The following IQGAP2 variants were observed in gnomAD, a reference collection of about 807,000 sequenced individuals.
The protein encoded by IQGAP2 is ras GTPase-activating-like protein IQGAP2.
IQGAP2 carries 173 observed loss-of-function variants against 201.3 expected under a neutral mutation model. The observed-to-expected ratio is 0.86, with a 90% confidence interval of 0.76 to 0.98. The LOEUF (loss-of-function observed/expected upper bound fraction) is 0.98. Ranked by LOEUF, IQGAP2 falls within the 50% of genes least tolerant of loss-of-function variation. The pLI is 0.00. For synonymous variants in IQGAP2, 675 were observed against 673.9 expected, an observed-to-expected ratio of 1.00 and a Z score of -0.03; for missense variants, 1,687 against 1,864.8, an observed-to-expected ratio of 0.90 and a Z score of 1.76.
chr5:76,489,093 T>G (rs984794879), intron 2 of IQGAP2, among the ~76,000 whole-genome samples: 22 of 152,178 alleles, frequency 1.4e-4, no homozygotes, highest in African/African-American at 4.1e-4. Flanking sequence ...CTTCCCAGCT[T>G]GCGCTTGACA....
chr5:76,503,655 G>T (rs1401523684), intron 2 of IQGAP2, among the ~76,000 whole-genome samples: 1 of 151,852 alleles, frequency 6.6e-6, no homozygotes, highest in Non-Finnish European at 1.5e-5. Flanking sequence ...GTAGTGGCAT[G>T]ATCTCGGCTC....
At chr5:76,556,581 A>G (rs575938595) in intron 2 of IQGAP2, among the ~76,000 whole-genome samples, 120 of 152,326 alleles carry the variant, frequency 7.9e-4, no homozygotes, top group Middle Eastern at 3.4e-3. Context: ...TAAAAAATCA[A>G]TCCAAAGGCT....
At chr5:76,517,472 T>A (rs1330079441) in intron 2 of IQGAP2, among the ~76,000 whole-genome samples, 2 of 152,070 alleles carry the variant, frequency 1.3e-5, no homozygotes. Flanking sequence ...CTTAAAATGT[T>A]AAGTAGCACG....
intron 28 of IQGAP2, among the ~76,000 whole-genome samples, chr5:76,681,118 T>C (rs1580806305): frequency 7.9e-6 from 1 of 126,762 alleles, no homozygotes; most frequent in African/African-American, 2.9e-5. Context: ...AAAAAAAAAC[T>C]TGAGAAAACC....
intron 16 of IQGAP2, 119 bp from the exon 17 acceptor site, chr5:76,640,814 A>C: frequency 1.3e-6 from 1 of 750,650 alleles, no homozygotes; most frequent in Non-Finnish European, 2.1e-6. Context: ...ATTTGTTTTT[A>C]AACCAAGCCA....
chr5:76,509,047 G>GTA (rs1211745470), intron 2 of IQGAP2, among the ~76,000 whole-genome samples: 26 of 150,560 alleles, frequency 1.7e-4, no homozygotes, highest in Non-Finnish European at 2.8e-4. Context: ...GTGTGTGTGT[G>GTA]TGTGTGTGTG....
At chr5:76,660,456 GA>G (rs1467786576) in intron 21 of IQGAP2, 1 of 152,172 alleles carries the variant, frequency 6.6e-6, no homozygotes, top group Non-Finnish European at 1.5e-5. Flanking sequence ...GATTTTCAGA[GA>G]ATGCTTTTTA....
intron 17 of IQGAP2, among the ~76,000 whole-genome samples, chr5:76,648,756 C>G (rs1752283396): frequency 6.6e-6 from 1 of 152,142 alleles, no homozygotes; most frequent in African/African-American, 2.4e-5. Flanking sequence ...AATACAGTAA[C>G]AGATGTGGAA....
chr5:76,579,740 C>G (rs1728719742), intron 5 of IQGAP2, among the ~76,000 whole-genome samples: 1 of 151,940 alleles, frequency 6.6e-6, no homozygotes, highest in Non-Finnish European at 1.5e-5. Flanking sequence ...CCCAGTGATC[C>G]TTAGGCTTTT....
chr5:76,695,400 A>G, intron 31 of IQGAP2, 54 bp from the exon 32 acceptor site: 3 of 1,451,100 alleles, frequency 2.1e-6, no homozygotes, highest in Non-Finnish European at 2.9e-6. Flanking sequence ...TAGCTTATGA[A>G]CTGTGAAATT....
intron 13 of IQGAP2, among the ~76,000 whole-genome samples, chr5:76,614,986 G>A (rs1453941560): frequency 6.6e-6 from 1 of 152,168 alleles, no homozygotes; most frequent in Non-Finnish European, 1.5e-5. Context: ...ATGGAAGTTG[G>A]TGAAGATTCT....
intron 2 of IQGAP2, among the ~76,000 whole-genome samples, chr5:76,484,595 G>T (rs1005087727): frequency 6.6e-6 from 1 of 152,058 alleles, no homozygotes; most frequent in African/African-American, 2.4e-5. Flanking sequence ...TAGAAACGGG[G>T]TCTTTATGTA....
At chr5:76,466,004 CT>C (rs1223640214) in intron 2 of IQGAP2, among the ~76,000 whole-genome samples, 3 of 151,028 alleles carry the variant, frequency 2.0e-5, no homozygotes, top group East Asian at 3.9e-4. Context: ...CAGCTGCCTT[CT>C]TTTTTTTTAA....
chr5:76,515,349 G>A (rs565186554), intron 2 of IQGAP2, among the ~76,000 whole-genome samples: 3 of 152,262 alleles, frequency 2.0e-5, no homozygotes, highest in African/African-American at 4.8e-5. Context: ...TTTATCAAGC[G>A]ATTTTTCTCC....
intron 13 of IQGAP2, among the ~76,000 whole-genome samples, chr5:76,612,850 T>G (rs1748529336): frequency 6.6e-6 from 1 of 152,180 alleles, no homozygotes; most frequent in South Asian, 2.1e-4. Context: ...ATGGGAGATT[T>G]ATTCTTCACT....
chr5:76,552,242 C>A (rs1743609375), intron 2 of IQGAP2, among the ~76,000 whole-genome samples: 1 of 152,164 alleles, frequency 6.6e-6, no homozygotes, highest in Admixed American at 6.5e-5. Flanking sequence ...GTTTCTGCTA[C>A]TGGTAGAACC....
intron 1 of IQGAP2, among the ~76,000 whole-genome samples, chr5:76,420,534 C>A (rs1237467559): frequency 1.3e-5 from 2 of 152,058 alleles, no homozygotes; most frequent in African/African-American, 2.4e-5. Flanking sequence ...TGCCACCACG[C>A]CCGGCTAATT....
chr5:76,479,028 G>A (rs116588544), intron 2 of IQGAP2, among the ~76,000 whole-genome samples: 1,837 of 152,154 alleles, frequency 0.012, 36 homozygotes, highest in African/African-American at 0.042. Context: ...GCAGGATCAT[G>A]GAAGGGCACC....
chr5:76,595,347 C>G (rs1404729432), intron 9 of IQGAP2, among the ~76,000 whole-genome samples: 1 of 148,274 alleles, frequency 6.7e-6, no homozygotes, highest in Non-Finnish European at 1.5e-5. Context: ...CCTCAGCCTC[C>G]CAAAATGCTA....
Sources: gnomAD v4.1 joint callset for allele counts (sites outside exome capture counted in the v4.1 genomes callset) on GRCh38, gnomAD v4.1.1 for gene constraint, MANE v1.5 for transcripts, NCBI Gene and HGNC (gene_info 2026-07-23, HGNC 2026-07-21) for gene names.